DMD: variants seen among roughly 807,000 people sequenced by gnomAD.
DMD encodes the protein dystrophin, also known as mutant dystrophin.
In DMD, 63 loss-of-function variants were observed where a neutral mutation model predicts 330.1. The ratio of observed to expected loss-of-function variants is 0.19; its 90% CI spans 0.16 to 0.24. DMD has a LOEUF of 0.24. DMD is among the 10% of genes least tolerant of loss of function. DMD has a pLI of 1.00. For missense variants in DMD, 3,344 were observed against 2,684.1 expected (o/e 1.25, Z -5.43); for synonymous variants, 1,223 against 959.8 (o/e 1.27, Z -5.07).
intron 44 of DMD, among the ~76,000 whole-genome samples, chrX:32,112,918 C>A (rs1301346736): frequency 8.9e-6 from 1 of 111,875 alleles, no homozygotes; most frequent in Non-Finnish European, 1.9e-5. Flanking sequence ...CATCTGAATT[C>A]ATGTGTTTCA....
chrX:31,506,924 A>G (rs1011826432), intron 56 of DMD, among the ~76,000 whole-genome samples: 5 of 112,208 alleles, frequency 4.5e-5, no homozygotes, highest in Admixed American at 1.9e-4. Flanking sequence ...GCCAAAAATA[A>G]TTCCATAATA....
At chrX:32,840,499 G>T (rs1259510518) in intron 4 of DMD, among the ~76,000 whole-genome samples, 5 of 111,111 alleles carry the variant, frequency 4.5e-5, no homozygotes, top group Non-Finnish European at 7.5e-5. Flanking sequence ...ACAACTTGAT[G>T]CGTTTTCTTA....
Position 31,951,145 on chromosome X carries a change from A to ATATG in DMD, c.6614+17193_6614+17194insCATA, listed in dbSNP as rs1569521270. Among the ~76,000 whole-genome samples, 654 of 71,253 alleles carry ATATG rather than the reference A, an allele frequency of 9.2e-3. 12 individuals carry two copies. The highest frequency in any genetic ancestry group is 0.013 in the Non-Finnish European group (495 of 39,562). The allele number at this position is 71,253 out of a possible 115,157, so 61.9% of individuals were successfully genotyped here. ...TACATATATATATATATATATGTGTATATATATATATATGTATATATATAT... is the reference window on the plus strand; with the variant it reads ...TACATATATATATATATATATGTGTATATGTATATATATATATGTATATATATAT... On this transcript the variant is annotated intron_variant, in intron 45 of 78. Coordinates refer to ENST00000357033, the MANE Select transcript of DMD (RefSeq NM_004006.3).
At chrX:32,238,102 C>T (rs143066970) in intron 43 of DMD, among the ~76,000 whole-genome samples, 5,886 of 111,430 alleles carry the variant, frequency 0.053, 149 homozygotes, top group Middle Eastern at 0.11. Flanking sequence ...ATTATTTTCT[C>T]CGCACAATTT....
At chrX:31,689,175 A>G (rs1282367407) in intron 52 of DMD, among the ~76,000 whole-genome samples, 2 of 111,842 alleles carry the variant, frequency 1.8e-5, no homozygotes, top group Non-Finnish European at 3.8e-5. Flanking sequence ...GAGGAAGTCA[A>G]ATTGTCCCTG....
At chrX:32,901,412 T>TGC (rs1557127514) in intron 2 of DMD, among the ~76,000 whole-genome samples, 13 of 111,733 alleles carry the variant, frequency 1.2e-4, no homozygotes, top group African/African-American at 3.9e-4. Flanking sequence ...TATTACTTCT[T>TGC]AAACTACAGT....
intron 2 of DMD, among the ~76,000 whole-genome samples, chrX:33,003,381 A>G (rs2093330244): frequency 8.9e-6 from 1 of 112,427 alleles, no homozygotes; most frequent in Non-Finnish European, 1.9e-5. Context: ...GTTATCATTT[A>G]TGAAGAATAA....
At chrX:31,729,379 A>G (rs1208050394) in intron 52 of DMD, among the ~76,000 whole-genome samples, 2 of 112,016 alleles carry the variant, frequency 1.8e-5, no homozygotes, top group African/African-American at 6.5e-5. Flanking sequence ...TGTGGTCACC[A>G]CACCCATCAA....
chrX:32,620,351 C>T (rs1433697840), intron 11 of DMD, among the ~76,000 whole-genome samples: 3 of 111,615 alleles, frequency 2.7e-5, no homozygotes, highest in Non-Finnish European at 5.6e-5. Context: ...AAGATAATGG[C>T]TCCATAGCTG....
At position 32,819,848 on chromosome X, in the gene DMD, T is replaced by TAA. The variant is rs35344665; in HGVS notation, c.358-3210_358-3209dup. ...AGGAAGAAAATATGTAATGTTGGTG[T>TAA]AAAAAAAAAAAAAAAAAAGAAAAAC... is the stretch of plus-strand genomic sequence containing the variant. On this transcript the variant is annotated intron_variant, in intron 5 of 78. Coordinates refer to ENST00000357033, the MANE Select transcript of DMD (RefSeq NM_004006.3). Among the ~76,000 whole-genome samples, 432 of 80,965 alleles carry TAA rather than the reference T, an allele frequency of 5.3e-3. 20 individuals are homozygous for TAA. In the East Asian group the frequency reaches 0.12, roughly 22 times the overall value. 70.3% of individuals were successfully genotyped at this position (80,965 alleles called of 115,157 possible).
At chrX:31,648,894 TAAGTC>T (rs926359407) in intron 54 of DMD, among the ~76,000 whole-genome samples, 5 of 110,119 alleles carry the variant, frequency 4.5e-5, no homozygotes, top group Non-Finnish European at 9.5e-5. Context: ...AGAAAAAAAT[TAAGTC>T]AAGTGATGAT....
At chrX:32,199,551 AAGGGGGAGGG>A (rs1569550425) in intron 44 of DMD, among the ~76,000 whole-genome samples, 5 of 107,044 alleles carry the variant, frequency 4.7e-5, no homozygotes, top group Non-Finnish European at 9.7e-5. Flanking sequence ...GAGGGGTGTG[AAGGGGGAGGG>A]GTGTGAAGGA....
chrX:33,315,840 C>A (rs1382950729), intron 1 of DMD, among the ~76,000 whole-genome samples: 1 of 110,850 alleles, frequency 9.0e-6, no homozygotes, highest in Non-Finnish European at 1.9e-5. Context: ...ATGCCTACAA[C>A]AGTACATAAA....
At chrX:32,714,658 T>A (rs912914746) in intron 7 of DMD, among the ~76,000 whole-genome samples, 9 of 111,692 alleles carry the variant, frequency 8.1e-5, no homozygotes, top group African/African-American at 2.9e-4. Flanking sequence ...CAAACTAACT[T>A]AGGGAGAACT....
intron 52 of DMD, among the ~76,000 whole-genome samples, chrX:31,691,428 C>A (rs1343460516): frequency 9.0e-6 from 1 of 111,025 alleles, no homozygotes; most frequent in East Asian, 2.8e-4. Flanking sequence ...AAGTCCTTAC[C>A]CATCCATCAT....
At chrX:32,688,891 C>T (rs764249048) in intron 9 of DMD, among the ~76,000 whole-genome samples, 2 of 111,303 alleles carry the variant, frequency 1.8e-5, no homozygotes, top group East Asian at 5.6e-4. Flanking sequence ...ATTTCCTATT[C>T]TTATTTAGAA....
intron 43 of DMD, among the ~76,000 whole-genome samples, chrX:32,256,159 T>C (rs5927065): frequency 0.17 from 18,852 of 110,298 alleles, 1,495 homozygotes; most frequent in Middle Eastern, 0.32. Flanking sequence ...CGAATCTGGG[T>C]GCTCCTGTAT....
intron 1 of DMD, among the ~76,000 whole-genome samples, chrX:33,072,782 C>T (rs747704631): frequency 9.0e-6 from 1 of 111,321 alleles, no homozygotes; most frequent in South Asian, 3.8e-4. Flanking sequence ...AGAATTTGAC[C>T]AAGTTCTCAT....
intron 9 of DMD, among the ~76,000 whole-genome samples, chrX:32,647,606 T>C (rs1342028130): frequency 8.9e-6 from 1 of 112,081 alleles, no homozygotes; most frequent in African/African-American, 3.2e-5. Flanking sequence ...CTTGTGACTT[T>C]GGGAGTTACC....
Sources: allele counts gnomAD v4.1 joint callset (sites outside exome capture counted in the v4.1 genomes callset), GRCh38; gene constraint gnomAD v4.1.1; transcripts MANE v1.5; gene names NCBI Gene and HGNC (gene_info 2026-07-23, HGNC 2026-07-21).